USP24: variants seen among roughly 807,000 people sequenced by gnomAD.
USP24 encodes ubiquitin specific peptidase 24, also known as ubiquitin carboxyl-terminal hydrolase 24.
In USP24, 97 loss-of-function variants were observed where a neutral mutation model predicts 361.6. The observed-to-expected ratio is 0.27, with a 90% CI of 0.23 to 0.32. The LOEUF (loss-of-function observed/expected upper bound fraction) is 0.32. USP24 is among the 10% of genes least tolerant of loss of function. The pLI is 1.00. For synonymous variants in USP24, 1,098 were observed against 1,124.6 expected (o/e 0.98, Z 0.47); for missense variants, 2,353 against 3,165.6 (o/e 0.74, Z 6.16).
In USP24 at chr1:55,096,960, C is replaced by T; in HGVS notation, c.5928G>A (p.Lys1976=). 1 of 1,613,442 alleles carries T rather than the reference C, an allele frequency of 6.2e-7. No individual in the cohort carries two copies. Among genetic ancestry groups the T allele is most frequent in the South Asian group, 1.1e-5 (1 of 90,960 alleles). Residue 1976 remains lysine (K), a synonymous_variant, in exon 49 of 68, where the codon AAG becomes AAA. Transcript: ENST00000294383. The part of the protein sequence containing the change: ...AHAGHYYSFI[K]DRRGCGKGKW... ...CCTCAGGAAACTCTTACCGCCTGTC[C>T]TTAATGAAGGAATAGTAGTGGCCTG... is the stretch of plus-strand genomic sequence containing the variant.
rs1035596104 is a variant in USP24, at chr1:55,074,309, C to T, written c.7448-403G>A. Reference sequence around the variant, plus strand: ...TTTTATGATGCTAGGGTCAGTTCAGCAATTATCACCTGCTCTATGTTTTAG... The same window carrying T: ...TTTTATGATGCTAGGGTCAGTTCAGTAATTATCACCTGCTCTATGTTTTAG... On this transcript the variant is annotated intron_variant, in intron 63 of 67. Coordinates refer to ENST00000294383, the MANE Select transcript of USP24 (RefSeq NM_015306.3). Among the ~76,000 whole-genome samples the T allele has an allele frequency of 4.6e-5, 7 of 152,030 alleles. No individual in the cohort carries two copies. The South Asian group carries it at 1.2e-3, about 27-fold the overall frequency.
rs566946400 is a variant in USP24 at position 55,094,262 on chromosome 1, A to T, written c.6204-175T>A. 3.9e-5 allele frequency among the ~76,000 whole-genome samples: 6 copies of T among 152,400 alleles called. No individual in the cohort carries two copies. In the South Asian group the frequency reaches 1.2e-3, roughly 32 times the overall value. On this transcript the variant is annotated intron_variant, in intron 51 of 67. Coordinates refer to ENST00000294383, the MANE Select transcript of USP24 (RefSeq NM_015306.3). The stretch of plus-strand genomic sequence containing the variant: ...ACAATCATAATGTAACAATTAAGAA[A>T]TTAAAAATGCAATACTTTCTAATTA...
rs1645805005 is a variant in USP24 at position 55,107,395 on chromosome 1, T to C, written c.4606A>G (p.Thr1536Ala). 6.2e-7 allele frequency: 1 copy of C among 1,612,888 alleles called. No homozygotes were observed. Among genetic ancestry groups the C allele is most frequent in the Non-Finnish European group, 8.5e-7 (1 of 1,179,398 alleles). Residue 1536 changes from threonine (T) to alanine (A), a missense_variant, in exon 40 of 68, where the codon ACG (threonine) becomes GCG (alanine). Coordinates refer to ENST00000294383, the MANE Select transcript of USP24 (RefSeq NM_015306.3). ...CAAGTAATCTCATCTTCAAGCATCG[T>C]AGCTGGGCTGATCCTTAACTGCTCC... ...EMEQLRISPA[T>A]MLEDEITWLD...
chr1:55,078,348 G>A (rs1645072567), intron 61 of USP24, among the ~76,000 whole-genome samples, 190 bp downstream of exon 61: 1 of 152,170 alleles, frequency 6.6e-6, no homozygotes, highest in East Asian at 1.9e-4. Flanking sequence ...TTCCCAAAGA[G>A]AGTGTAGTAA....
intron 46 of USP24, 131 bp downstream of exon 46, chr1:55,098,345 C>G (rs916930813): frequency 1.1e-6 from 1 of 923,484 alleles, no homozygotes; most frequent in East Asian, 2.7e-5. Context: ...ATTTAAGTCA[C>G]TAAATACTTA....
intron 55 of USP24, 85 bp downstream of exon 55, chr1:55,089,542 A>C: frequency 1.1e-6 from 1 of 878,232 alleles, no homozygotes; most frequent in Non-Finnish European, 1.7e-6. Context: ...TTTCAAGTTG[A>C]AATAAAAAGG....
At chr1:55,173,244 T>C (rs1445453901) in intron 3 of USP24, among the ~76,000 whole-genome samples, 1 of 152,262 alleles carries the variant, frequency 6.6e-6, no homozygotes, top group Admixed American at 6.5e-5. Context: ...TTTTGGTATG[T>C]ACAAAATAAT....
rs541389839 is a variant in USP24 at position 55,139,473 on chromosome 1, T to C, written c.2751-463A>G. On this transcript the variant is annotated intron_variant, in intron 24 of 67. Coordinates refer to ENST00000294383, the MANE Select transcript of USP24 (RefSeq NM_015306.3). ...TCAGTAAGTACGACACAAACAAAAG[T>C]TGCTATCTAAAAATGAGATCTGAGG... Among the ~76,000 whole-genome samples the C allele has an allele frequency of 1.7e-4, 26 of 152,282 alleles. No homozygotes were observed. The South Asian group carries it at 2.9e-3, about 17-fold the overall frequency.
At chr1:55,185,788 C>T (rs1010139032) in intron 1 of USP24, among the ~76,000 whole-genome samples, 1 of 151,744 alleles carries the variant, frequency 6.6e-6, no homozygotes. Context: ...AGCCTGTTCT[C>T]ACACTCTTGG....
intron 63 of USP24, among the ~76,000 whole-genome samples, 197 bp from the exon 64 acceptor site, chr1:55,074,103 T>G (rs1466225801): frequency 2.1e-5 from 1 of 47,478 alleles, no homozygotes; most frequent in Non-Finnish European, 4.2e-5. Context: ...ACTTTAAGTA[T>G]GTTTAAAAAA....
chr1:55,145,396 T>C (rs769467010), intron 20 of USP24, among the ~76,000 whole-genome samples: 10 of 152,162 alleles, frequency 6.6e-5, no homozygotes, highest in African/African-American at 1.2e-4. Flanking sequence ...CTTAGTACAA[T>C]GAAAGAAGCC....
At position 55,096,518 on chromosome 1, in the gene USP24, C is replaced by T. The variant is rs774137544; in HGVS notation, c.6041G>A (p.Arg2014Lys). 1.6e-5 allele frequency: 25 copies of T among 1,598,676 alleles called. 1 individual carries two copies. The South Asian group carries it at 2.8e-4, about 18-fold the overall frequency. Residue 2014 changes from arginine (R) to lysine (K), a missense_variant, in exon 50 of 68, where the codon AGA becomes AAA. Coordinates refer to ENST00000294383, the MANE Select transcript of USP24 (RefSeq NM_015306.3). ...LEYECFGGEY[R>K]PKVYDQTNPY... ...CTTACTTTGATCATAAACTTTTGGT[C>T]TATATTCTCCTCCAAAGCATTCATA...
intron 16 of USP24, 138 bp from the exon 17 acceptor site, chr1:55,148,708 G>T: frequency 1.6e-6 from 1 of 625,236 alleles, no homozygotes; most frequent in Admixed American, 3.1e-5. Flanking sequence ...ACCATTTAGA[G>T]CTTATCTCCA....
At chr1:55,099,504 G>A (rs979340509) in intron 45 of USP24, among the ~76,000 whole-genome samples, 1 of 152,092 alleles carries the variant, frequency 6.6e-6, no homozygotes, top group African/African-American at 2.4e-5. Flanking sequence ...GTTGCAGTGA[G>A]CTGAGATTGT....
At chr1:55,129,767 A>C (rs1420767467) in intron 31 of USP24, among the ~76,000 whole-genome samples, 193 bp from the exon 32 acceptor site, 2 of 152,236 alleles carry the variant, frequency 1.3e-5, no homozygotes, top group Non-Finnish European at 2.9e-5. Flanking sequence ...TTACTTTGGA[A>C]GAAAAATCTT....
At chr1:55,099,378 G>A (rs993282599) in intron 45 of USP24, among the ~76,000 whole-genome samples, 21 of 151,968 alleles carry the variant, frequency 1.4e-4, no homozygotes, top group Non-Finnish European at 2.5e-4. Flanking sequence ...CCAACATGGC[G>A]AAACCCAATC....
intron 54 of USP24, 44 bp downstream of exon 54, chr1:55,091,979 G>T: frequency 7.2e-7 from 1 of 1,392,740 alleles, no homozygotes; most frequent in Non-Finnish European, 1.0e-6. Flanking sequence ...GAATTCACCA[G>T]TGCCCTCTGT....
Position 55,090,999 on chromosome 1 carries a change from G to A in USP24, c.6554+1024C>T, listed in dbSNP as rs191809742. Reference sequence around the variant, plus strand: ...CTTGGGAGGCTGAGGTAGAAGAATCGCTTGAACCCGGGACACAGAGGTTGC... The same window carrying A: ...CTTGGGAGGCTGAGGTAGAAGAATCACTTGAACCCGGGACACAGAGGTTGC... On this transcript the variant is annotated intron_variant, in intron 54 of 67. Transcript: ENST00000294383. Among the ~76,000 whole-genome samples the A allele has an allele frequency of 5.2e-4, 79 of 152,256 alleles. No individual in the cohort carries two copies. The East Asian group carries it at 8.7e-3, about 17-fold the overall frequency.
rs748388087 is a variant in USP24, at chr1:55,097,705, T to C, written c.5608A>G (p.Lys1870Glu). 6.4e-7 allele frequency: 1 copy of C among 1,550,660 alleles called. No homozygotes were observed. The highest frequency in any genetic ancestry group is 8.7e-7 in the Non-Finnish European group (1 of 1,152,172). The change falls in exon 48 of 68, where the codon AAA becomes GAA. Residue 1870 changes from lysine to glutamate, a missense_variant. Around this residue, in one of 8 missense-constraint regions of USP24, gnomAD observed 105 missense variants for 200.3 expected, o/e 0.52. Transcript: ENST00000294383. ...GGTAAAGATTTAATACAGGTCCTTT[T>C]CACTGTTATTCTCTAAAGAAAAAAA... ...EKCKEKRITVKRTCIKSLPSV... is the reference protein window; with the variant it reads ...EKCKEKRITVERTCIKSLPSV...
Sources: gnomAD v4.1 joint callset for allele counts (sites outside exome capture counted in the v4.1 genomes callset) on GRCh38, gnomAD v4.1.1 for gene constraint, gnomAD v4.1.1 regional missense constraint, MANE v1.5 for transcripts, NCBI Gene and HGNC (gene_info 2026-07-23, HGNC 2026-07-21) for gene names.